The following CTU2 variants were observed in gnomAD, a reference collection of about 807,000 sequenced individuals.
CTU2 encodes cytosolic thiouridylase subunit 2.
CTU2 carries 80 observed loss-of-function variants against 64.1 expected under a neutral mutation model. The ratio of observed to expected loss-of-function variants is 1.25; its 90% CI spans 1.04 to 1.50. The LOEUF is 1.50. CTU2 is among the 40% of genes most tolerant of loss of function. The pLI is 0.00. For synonymous variants in CTU2, 482 were observed against 285.3 expected (o/e 1.69, Z -6.95); for missense variants, 1,110 against 690.2 (o/e 1.61, Z -6.81).
At chr16:88,714,286 G>A in intron 10 of CTU2, 59 bp downstream of exon 10, 1 of 1,516,200 alleles carries the variant, frequency 6.6e-7, no homozygotes, top group Non-Finnish European at 9.2e-7. Context: ...GCGCGGGTGT[G>A]TGCGGGTGGT....
rs1910849372 is a variant in CTU2 at position 88,706,575 on chromosome 16, GCCGCCC to G, written c.49_54del (p.Pro17_Pro18del). Reference sequence around the variant, plus strand: ...ACTACGGGGAGCCGGCGCCTGAGGAGCCGCCCCCGGCGCCGCGGCCCAGGTAAGAGC... The same window carrying G: ...ACTACGGGGAGCCGGCGCCTGAGGAGCCGGCGCCGCGGCCCAGGTAAGAGC... On this transcript the variant is annotated inframe_deletion, in exon 1 of 15. Coordinates refer to ENST00000453996, the MANE Select transcript of CTU2 (RefSeq NM_001012759.3). 1.4e-6 allele frequency: 2 copies of G among 1,455,442 alleles called. No homozygotes were observed. The highest frequency in any genetic ancestry group is 3.0e-5 in the African/African-American group (2 of 67,450). The allele number at this position is 1,455,442 out of a possible 1,614,324, so 90.2% of individuals were successfully genotyped here. A position where few individuals can be genotyped will look rare whatever the true frequency, so the allele number is the denominator to read the frequency against.
intron 1 of CTU2, 105 bp from the exon 2 acceptor site, chr16:88,707,031 T>G (rs1910912496): frequency 2.6e-6 from 3 of 1,164,056 alleles, no homozygotes; most frequent in Admixed American, 3.6e-5. Context: ...TGCCTTTCTC[T>G]GACCCAACTC....
At chr16:88,713,921 G>A (rs770387919) in intron 9 of CTU2, 143 bp downstream of exon 9, 214 of 1,258,126 alleles carry the variant, frequency 1.7e-4, no homozygotes, top group Non-Finnish European at 2.3e-4. Context: ...CATCCTCTGA[G>A]CCCACCCTGT....
rs141146913 is a variant in CTU2 at position 88,712,323 on chromosome 16, C to A, written c.393C>A (p.Ala131=). ...TAGAGGAGAGATCAAAGACCCTGGCCGAAGTGAAGCCCATTCTGCAAGCAA... is the reference window on the plus strand; with the variant it reads ...TAGAGGAGAGATCAAAGACCCTGGCAGAAGTGAAGCCCATTCTGCAAGCAA... ...QSLEERSKTL[A]EVKPILQATG... is the part of the protein sequence containing the mutation. The change falls in exon 6 of 15, where the codon GCC becomes GCA. Residue 131 remains alanine (A), a synonymous_variant. Coordinates refer to ENST00000453996, the MANE Select transcript of CTU2 (RefSeq NM_001012759.3). 6.8e-6 allele frequency: 11 copies of A among 1,610,228 alleles called. No homozygotes were observed. Among genetic ancestry groups the A allele is most frequent in the African/African-American group, 6.7e-5 (5 of 74,852 alleles).
intron 13 of CTU2, 52 bp downstream of exon 13, chr16:88,714,978 G>A (rs754183526): frequency 5.7e-5 from 92 of 1,602,684 alleles, no homozygotes; most frequent in Admixed American, 6.8e-5. Context: ...CGGGAAGGCC[G>A]TCACCTCGTG....
At chr16:88,714,523 G>A (rs1203675554) in intron 11 of CTU2, 37 bp downstream of exon 11, 2 of 1,612,378 alleles carry the variant, frequency 1.2e-6, no homozygotes, top group African/African-American at 2.7e-5. Flanking sequence ...TGCGGGGAGG[G>A]AGCCAGGGAG....
At chr16:88,710,415 G>C in intron 4 of CTU2, 133 bp downstream of exon 4, 3 of 860,360 alleles carry the variant, frequency 3.5e-6, no homozygotes, top group Non-Finnish European at 5.5e-6. Flanking sequence ...ACACTTGGGG[G>C]GTTCTCAGAT....
rs1340071610 is a variant in CTU2, at chr16:88,715,109, A to G, written c.1478+3A>G. The G allele has an allele frequency of 6.3e-7, 1 of 1,592,804 alleles. No homozygotes were observed. Among genetic ancestry groups the G allele is most frequent in the Non-Finnish European group, 8.5e-7 (1 of 1,169,780 alleles). On this transcript the variant is annotated splice_donor_region_variant and intron_variant, in intron 14 of 14. Transcript: ENST00000453996. Reference sequence around the variant, plus strand: ...GAGGCCCAGCTCCGCACACAGAGGTACTGGGGCCCACACTGCCGTGGCGCG... The same window carrying G: ...GAGGCCCAGCTCCGCACACAGAGGTGCTGGGGCCCACACTGCCGTGGCGCG...
intron 5 of CTU2, chr16:88,712,040 C>G (rs760149102): frequency 4.5e-6 from 3 of 666,690 alleles, no homozygotes; most frequent in African/African-American, 1.8e-5. Flanking sequence ...GGGGCCGACT[C>G]CCCGACCCTT....
In CTU2 at chr16:88,710,172, T is replaced by C. The variant is rs756950162; in HGVS notation, c.223-51T>C. The stretch of plus-strand genomic sequence containing the variant: ...TCCTAGATGTCCACGAGGTGGGGTG[T>C]CTGCCTGTGTTGGAGGTGCGGTGCC... On this transcript the variant is annotated intron_variant, in intron 3 of 14. Transcript: ENST00000453996. 7 of 1,607,140 alleles carry C rather than the reference T, an allele frequency of 4.4e-6. No homozygotes were observed. In the East Asian group the frequency reaches 6.7e-5, roughly 15 times the overall value.
At chr16:88,708,937 C>G (rs1911112194) in intron 2 of CTU2, 1 of 152,198 alleles carries the variant, frequency 6.6e-6, no homozygotes, top group African/African-American at 2.4e-5. Context: ...CCAAGAACCC[C>G]TGACGTAGTG....
chr16:88,713,892 G>T, intron 9 of CTU2, 114 bp downstream of exon 9: 1 of 1,430,414 alleles, frequency 7.0e-7, no homozygotes. Context: ...GACTCCTGCT[G>T]TGGCCCCCAG....
intron 10 of CTU2, 23 bp downstream of exon 10, chr16:88,714,250 G>C: frequency 6.2e-7 from 1 of 1,601,972 alleles, no homozygotes; most frequent in Non-Finnish European, 8.5e-7. Context: ...GTGGGTGTGT[G>C]CGGGGGGTGC....
At chr16:88,707,386 C>T (rs891045971) in intron 2 of CTU2, among the ~76,000 whole-genome samples, 176 bp downstream of exon 2, 4 of 152,214 alleles carry the variant, frequency 2.6e-5, no homozygotes, top group East Asian at 1.9e-4. Context: ...CATTGGTTTC[C>T]TGCTTGGGAA....
rs144273690 is a variant in CTU2 at position 88,711,588 on chromosome 16, C to A, written c.283-47C>A. 3 of 1,541,410 alleles carry A rather than the reference C, an allele frequency of 1.9e-6. No homozygotes were observed. The African/African-American group carries it at 4.1e-5, about 21-fold the overall frequency. On this transcript the variant is annotated intron_variant, in intron 4 of 14. Coordinates refer to ENST00000453996, the MANE Select transcript of CTU2 (RefSeq NM_001012759.3). ...GAATGTTCTGAGCTGGAAAAGTGTC[C>A]TGTGGCTTATGGCTGGGGGCTGAGT...
chr16:88,708,232 AGG>A (rs1911058864), intron 2 of CTU2, among the ~76,000 whole-genome samples: 1 of 152,206 alleles, frequency 6.6e-6, no homozygotes, highest in African/African-American at 2.4e-5. Flanking sequence ...TGTGGCCAGA[AGG>A]GCTTTTGCTG....
At chr16:88,712,952 T>TACCCCTGAGA (rs1911472907) in intron 7 of CTU2, 47 bp downstream of exon 7, 1 of 601,744 alleles carries the variant, frequency 1.7e-6, no homozygotes, top group African/African-American at 3.5e-5. Flanking sequence ...CCCCCACTCA[T>TACCCCTGAGA]GCCCCTGAGA....
intron 6 of CTU2, 53 bp from the exon 7 acceptor site, chr16:88,712,569 G>C: frequency 6.3e-7 from 1 of 1,582,006 alleles, no homozygotes; most frequent in Non-Finnish European, 8.6e-7. Flanking sequence ...GCTGTCTGTG[G>C]GGGGCACCTG....
In CTU2 at chr16:88,712,152, C is replaced by T. The variant is rs74033358; in HGVS notation, c.344-122C>T. The T allele has an allele frequency of 1.1e-3, 944 of 862,496 alleles. 1 individual carries two copies. Among genetic ancestry groups the T allele is most frequent in the African/African-American group, 0.01 (611 of 60,062 alleles). 53.4% of individuals were successfully genotyped at this position (862,496 alleles called of 1,614,324 possible). On this transcript the variant is annotated intron_variant, in intron 5 of 14. Coordinates refer to ENST00000453996, the MANE Select transcript of CTU2 (RefSeq NM_001012759.3). ...GAAAATGGCCGACACCCCACAGCTC[C>T]GCCAGGAAGCACCGCCCTGCGGAGC... is the stretch of plus-strand genomic sequence containing the variant.
Sources: allele counts gnomAD v4.1 joint callset (sites outside exome capture counted in the v4.1 genomes callset), GRCh38; gene constraint gnomAD v4.1.1; transcripts MANE v1.5; gene names NCBI Gene and HGNC (gene_info 2026-07-23, HGNC 2026-07-21).